The following JMJD1C variants were observed in gnomAD, a reference collection of about 807,000 sequenced individuals.
JMJD1C encodes the protein jumonji domain containing 1C.
JMJD1C carries 31 observed loss-of-function variants against 245.3 expected under a neutral mutation model. The ratio of observed to expected loss-of-function variants is 0.13; its 90% CI spans 0.09 to 0.17. JMJD1C has a LOEUF of 0.17. JMJD1C is among the 10% of genes least tolerant of loss of function. The pLI is 1.00. For missense variants in JMJD1C, 2,691 were observed against 3,000.2 expected (o/e 0.90, Z 2.41); for synonymous variants, 1,057 against 1,017.4 (o/e 1.04, Z -0.74).
At chr10:63,425,455 A>T (rs1428486678) in intron 1 of JMJD1C, among the ~76,000 whole-genome samples, 1 of 147,122 alleles carries the variant, frequency 6.8e-6, no homozygotes, top group South Asian at 2.3e-4. Context: ...ACCATGTCCA[A>T]ACTGCATATC....
chr10:63,202,570 C>A (rs1028130058), intron 10 of JMJD1C: 14 of 985,292 alleles, frequency 1.4e-5, no homozygotes, highest in Non-Finnish European at 1.4e-5. Flanking sequence ...TTATTAAGCA[C>A]TTCTGAATTG....
Position 63,314,867 on chromosome 10 carries a change from C to CA in JMJD1C, c.334-50104dup, listed in dbSNP as rs1939738536. Among the ~76,000 whole-genome samples the CA allele has an allele frequency of 2.0e-5, 3 of 151,378 alleles. No homozygotes were observed. The South Asian group carries it at 6.3e-4, about 32-fold the overall frequency. ...TTCACCATTTTGGCCAGGCTGGTCT[C>CA]AAATGTCTGACTTTCAGGTGATCTG... On this transcript the variant is annotated intron_variant, in intron 2 of 25. Coordinates refer to ENST00000399262, the MANE Select transcript of JMJD1C (RefSeq NM_032776.3).
intron 1 of JMJD1C, chr10:63,427,795 G>A (rs368058200): frequency 4.6e-6 from 6 of 1,298,124 alleles, no homozygotes; most frequent in Non-Finnish European, 6.7e-6. Flanking sequence ...ATATATCTTG[G>A]CAAAGATGAA....
At chr10:63,177,587 A>T (rs1842974133) in intron 23 of JMJD1C, 130 bp downstream of exon 23, 2 of 903,402 alleles carry the variant, frequency 2.2e-6, no homozygotes, top group Non-Finnish European at 3.4e-6. Context: ...CTTTCAACAA[A>T]AACTCCCATC....
At chr10:63,321,108 C>A (rs1263548321) in intron 2 of JMJD1C, among the ~76,000 whole-genome samples, 1 of 152,234 alleles carries the variant, frequency 6.6e-6, no homozygotes, top group Non-Finnish European at 1.5e-5. Context: ...GGGTGGCACA[C>A]ACAAACTCCA....
intron 3 of JMJD1C, among the ~76,000 whole-genome samples, chr10:63,256,186 C>G (rs1465217118): frequency 6.6e-6 from 1 of 152,140 alleles, no homozygotes; most frequent in Non-Finnish European, 1.5e-5. Flanking sequence ...TGCAGAATAG[C>G]TCATACTTGG....
chr10:63,295,117 T>C (rs1589409879), intron 2 of JMJD1C, among the ~76,000 whole-genome samples: 1 of 152,240 alleles, frequency 6.6e-6, no homozygotes, highest in East Asian at 1.9e-4. Flanking sequence ...AGTGAGGATC[T>C]CTCCGTGTCG....
intron 24 of JMJD1C, among the ~76,000 whole-genome samples, chr10:63,170,027 T>C (rs908792521): frequency 2.0e-5 from 3 of 152,230 alleles, no homozygotes; most frequent in Non-Finnish European, 2.9e-5. Flanking sequence ...TTATCTGAAC[T>C]TAAGGAGAGT....
In JMJD1C at chr10:63,506,958, A is replaced by C. The variant is rs551542884; in HGVS notation, n.113+14780T>G. ...TCCCCTGTAACCCATAATAATGGCT[A>C]ATCTTTTTACAGTCTCCATGGTTTT... On this transcript the variant is annotated intron_variant and non_coding_transcript_variant, in intron 1 of 3. Coordinates refer to the JMJD1C transcript ENST00000633035. 1.4e-4 allele frequency among the ~76,000 whole-genome samples: 21 copies of C among 152,266 alleles called. No individual in the cohort carries two copies. The South Asian group carries it at 4.1e-3, about 30-fold the overall frequency.
At chr10:63,357,310 GTGTT>G (rs775557563) in intron 2 of JMJD1C, among the ~76,000 whole-genome samples, 31 of 151,730 alleles carry the variant, frequency 2.0e-4, no homozygotes, top group Non-Finnish European at 3.5e-4. Flanking sequence ...AAATTCAGAT[GTGTT>G]TGTTTATTTG....
chr10:63,253,824 C>T (rs767426866), intron 3 of JMJD1C, among the ~76,000 whole-genome samples: 4 of 152,140 alleles, frequency 2.6e-5, no homozygotes, highest in African/African-American at 9.7e-5. Flanking sequence ...ACAATACCTC[C>T]GCATCCCTAC....
chr10:63,187,942 C>G (rs916098846), intron 18 of JMJD1C, among the ~76,000 whole-genome samples: 1 of 152,178 alleles, frequency 6.6e-6, no homozygotes, highest in Non-Finnish European at 1.5e-5. Flanking sequence ...TAGCCATCTC[C>G]TTACACCACT....
chr10:63,444,357 T>G (rs906194958), intron 1 of JMJD1C, among the ~76,000 whole-genome samples: 13 of 152,150 alleles, frequency 8.5e-5, no homozygotes, highest in Non-Finnish European at 1.8e-4. Flanking sequence ...CACCGCAACC[T>G]CCGCCTCCCA....
At chr10:63,194,514 T>C in intron 13 of JMJD1C, 139 bp from the exon 14 acceptor site, 3 of 556,940 alleles carry the variant, frequency 5.4e-6, no homozygotes, top group Non-Finnish European at 9.6e-6. Context: ...AAAATAAAAA[T>C]AATGAAATAA....
At chr10:63,204,807 A>G in intron 10 of JMJD1C, 1 of 985,328 alleles carries the variant, frequency 1.0e-6, no homozygotes, top group Non-Finnish European at 1.2e-6. Context: ...GTCCTTTTCT[A>G]TGATTCCATC....
intron 2 of JMJD1C, among the ~76,000 whole-genome samples, chr10:63,353,050 C>T (rs1404122306): frequency 6.6e-6 from 1 of 152,120 alleles, no homozygotes; most frequent in Non-Finnish European, 1.5e-5. Flanking sequence ...GGTCATCAAA[C>T]AACATAAAAT....
intron 1 of JMJD1C, among the ~76,000 whole-genome samples, chr10:63,488,254 C>T (rs1220529533): frequency 2.0e-5 from 3 of 152,174 alleles, no homozygotes; most frequent in African/African-American, 7.2e-5. Context: ...CTAATATGTG[C>T]CCTTATTTCA....
Position 63,197,429 on chromosome 10 carries a change from C to T in JMJD1C, c.5626G>A (p.Glu1876Lys), listed in dbSNP as rs1483468512. 6.2e-7 allele frequency: 1 copy of T among 1,613,340 alleles called. No individual in the cohort carries two copies. Residue 1876 changes from glutamate to lysine, a missense_variant, in exon 13 of 26, where the codon GAA (glutamate) becomes AAA (lysine). Coordinates refer to ENST00000399262, the MANE Select transcript of JMJD1C (RefSeq NM_032776.3). ...VVCLDCYKAK[E>K]RKSSRDKELY... Reference sequence around the variant, plus strand: ...CACCAACCTCTAGAACTCTTCCTTTCCTTTGCCTTGTAACAATCTAAGCAG... The same window carrying T: ...CACCAACCTCTAGAACTCTTCCTTTTCTTTGCCTTGTAACAATCTAAGCAG...
chr10:63,389,030 G>A (rs1947840007), intron 1 of JMJD1C, among the ~76,000 whole-genome samples: 1 of 152,040 alleles, frequency 6.6e-6, no homozygotes, highest in African/African-American at 2.4e-5. Flanking sequence ...AATATTATTA[G>A]ACCTCAATGG....
Sources: gnomAD v4.1 joint callset for allele counts (sites outside exome capture counted in the v4.1 genomes callset) on GRCh38, gnomAD v4.1.1 for gene constraint, MANE v1.5 for transcripts, NCBI Gene and HGNC (gene_info 2026-07-23, HGNC 2026-07-21) for gene names.